Variants in ANK2 observed in about 807,000 individuals in gnomAD.
ANK2 encodes ankyrin-2.
Under a neutral mutation model 360.5 loss-of-function variants are expected in ANK2, and 83 were observed. The observed-to-expected ratio is 0.23, with a 90% confidence interval of 0.19 to 0.28. The LOEUF is 0.28. ANK2 is among the 10% of genes least tolerant of loss of function. ANK2 has a pLI of 1.00. For missense variants in ANK2, 4,201 were observed against 4,795.7 expected (o/e 0.88, Z 3.66); for synonymous variants, 1,740 against 1,759.5 (o/e 0.99, Z 0.28).
chr4:113,376,237 C>T (rs773355518), intron 45 of ANK2, among the ~76,000 whole-genome samples: 9 of 152,162 alleles, frequency 5.9e-5, no homozygotes, highest in African/African-American at 1.2e-4. Context: ...GCCTACTATA[C>T]TTCTAGGTTA....
intron 1 of ANK2, among the ~76,000 whole-genome samples, chr4:113,107,380 C>A (rs1015522507): frequency 2.6e-5 from 4 of 152,086 alleles, no homozygotes; most frequent in African/African-American, 4.8e-5. Flanking sequence ...CCATGCCTGG[C>A]TAATTTTTGT....
intron 1 of ANK2, among the ~76,000 whole-genome samples, chr4:113,170,940 G>A (rs2097919566): frequency 6.6e-6 from 1 of 152,138 alleles, no homozygotes; most frequent in Non-Finnish European, 1.5e-5. Flanking sequence ...GTTTGACTAT[G>A]GGCATCAGCA....
At chr4:113,012,675 A>C (rs997757858) in intron 2 of ANK2, among the ~76,000 whole-genome samples, 5 of 152,208 alleles carry the variant, frequency 3.3e-5, no homozygotes, top group Non-Finnish European at 7.4e-5. Context: ...CAATTTGAGA[A>C]GTGTGTAAAA....
chr4:112,744,252 T>C, the ANK2 span, among the ~76,000 whole-genome samples: 1 of 152,158 alleles, frequency 6.6e-6, no homozygotes, highest in Non-Finnish European at 1.5e-5. Flanking sequence ...ATAAACTTAA[T>C]GGATACAGAA....
At chr4:113,152,599 T>G (rs2097137177) in intron 1 of ANK2, among the ~76,000 whole-genome samples, 1 of 152,216 alleles carries the variant, frequency 6.6e-6, no homozygotes, top group Non-Finnish European at 1.5e-5. Context: ...GTGACTATAG[T>G]AAAACTTTTT....
At chr4:113,076,545 C>T (rs1021364910) in intron 1 of ANK2, among the ~76,000 whole-genome samples, 1 of 152,130 alleles carries the variant, frequency 6.6e-6, no homozygotes, top group African/African-American at 2.4e-5. Flanking sequence ...AGTGTAATGC[C>T]AGCACTTTGT....
At chr4:113,186,560 GTCTCTCTCTC>G (rs932864935) in intron 2 of ANK2, among the ~76,000 whole-genome samples, 1 of 71,608 alleles carries the variant, frequency 1.4e-5, no homozygotes, top group East Asian at 3.4e-4. Context: ...ATCTTCCCGT[GTCTCTCTCTC>G]TCTCTCTCTC....
intron 37 of ANK2, among the ~76,000 whole-genome samples, chr4:113,352,595 A>G (rs1210764138): frequency 6.6e-6 from 1 of 152,040 alleles, no homozygotes; most frequent in African/African-American, 2.4e-5. Context: ...GAGGAAATCA[A>G]CTTTCTGCAA....
rs762691949 is a variant in ANK2, at chr4:113,255,696, A to G, written c.991-39A>G. ...ACTTTGGAACCTGAAAATAATGAAA[A>G]AAAAAAAGGACATTATTTTGTTTTC... On this transcript the variant is annotated intron_variant, in intron 10 of 45. Transcript: ENST00000357077. 3 of 1,608,344 alleles carry G rather than the reference A, an allele frequency of 1.9e-6. No individual in the cohort carries two copies. In the African/African-American group the frequency reaches 4.0e-5, roughly 22 times the overall value.
chr4:113,330,556 T>C, intron 27 of ANK2, 86 bp downstream of exon 27: 1 of 1,378,942 alleles, frequency 7.3e-7, no homozygotes, highest in Non-Finnish European at 1.0e-6. Context: ...TGGAAAAAGG[T>C]ACGTCAAACC....
At chr4:112,786,145 T>A in the ANK2 span, among the ~76,000 whole-genome samples, 1 of 151,892 alleles carries the variant, frequency 6.6e-6, no homozygotes, top group Non-Finnish European at 1.5e-5. Context: ...CACAGCCTAT[T>A]TTGAGATATC....
the ANK2 span, among the ~76,000 whole-genome samples, chr4:112,770,183 A>G: frequency 6.6e-6 from 1 of 152,144 alleles, no homozygotes; most frequent in Non-Finnish European, 1.5e-5. Context: ...TCGAATCACA[A>G]TAAAACTGGT....
intron 2 of ANK2, among the ~76,000 whole-genome samples, chr4:113,024,823 G>A (rs527775959): frequency 2.4e-4 from 37 of 152,206 alleles, no homozygotes; most frequent in Admixed American, 1.0e-3. Flanking sequence ...TTCATGTCCT[G>A]TGATAGTGAT....
chr4:113,371,703 G>A (rs536392829), intron 43 of ANK2, among the ~76,000 whole-genome samples: 14 of 152,236 alleles, frequency 9.2e-5, no homozygotes, highest in African/African-American at 3.1e-4. Flanking sequence ...CATATTTCTA[G>A]GCAGTAGATT....
At chr4:113,270,908 T>C (rs2153676456) in intron 14 of ANK2, among the ~76,000 whole-genome samples, 1 of 152,342 alleles carries the variant, frequency 6.6e-6, no homozygotes, top group East Asian at 1.9e-4. Context: ...ATCCTTTTAA[T>C]GTGTTCCTGG....
At chr4:113,328,608 A>C in intron 26 of ANK2, among the ~76,000 whole-genome samples, 1 of 152,196 alleles carries the variant, frequency 6.6e-6, no homozygotes, top group East Asian at 1.9e-4. Context: ...TCAGTACTGA[A>C]CTGTTGATTG....
chr4:113,156,667 T>C (rs1306163678), intron 1 of ANK2, among the ~76,000 whole-genome samples: 4 of 152,044 alleles, frequency 2.6e-5, no homozygotes, highest in Non-Finnish European at 5.9e-5. Flanking sequence ...CCAGCCTTAA[T>C]GTAGAAAAAT....
chr4:112,784,590 G>A, the ANK2 span, among the ~76,000 whole-genome samples: 3 of 151,614 alleles, frequency 2.0e-5, no homozygotes, highest in African/African-American at 4.8e-5. Flanking sequence ...TGATCCGCCC[G>A]CCTCGGCCTC....
chr4:112,836,002 T>A (rs2060907691), intron 1 of ANK2, among the ~76,000 whole-genome samples: 1 of 152,196 alleles, frequency 6.6e-6, no homozygotes. Flanking sequence ...TGTTGGCCTT[T>A]ATGGAGACTT....
Sources: gnomAD v4.1 joint callset for allele counts (sites outside exome capture counted in the v4.1 genomes callset) on GRCh38, gnomAD v4.1.1 for gene constraint, MANE v1.5 for transcripts, NCBI Gene and HGNC (gene_info 2026-07-23, HGNC 2026-07-21) for gene names.